Variants in ANKMY1 observed in about 807,000 individuals in gnomAD.
The protein encoded by ANKMY1 is ankyrin repeat and MYND domain containing 1.
In ANKMY1, 98 loss-of-function variants were observed where a neutral mutation model predicts 102.0. The ratio of observed to expected loss-of-function variants is 0.96; its 90% CI spans 0.82 to 1.14. The LOEUF is 1.14. ANKMY1 is among the 50% of genes most tolerant of loss of function. The pLI, the probability that ANKMY1 is intolerant of heterozygous loss-of-function variation, is 0.00. For missense variants in ANKMY1, 1,330 were observed against 1,347.6 expected (o/e 0.99, Z 0.20); for synonymous variants, 582 against 559.9 (o/e 1.04, Z -0.56).
chr2:240,560,511 TCCCGGC>T, upstream of ANKMY1: 1 of 1,024,612 alleles, frequency 9.8e-7, no homozygotes, highest in Non-Finnish European at 1.3e-6. Flanking sequence ...AAGCCCCCTG[TCCCGGC>T]CCAGCGCCCG....
intron 4 of ANKMY1, among the ~76,000 whole-genome samples, chr2:240,543,879 G>A (rs1157244417): frequency 6.6e-6 from 1 of 152,152 alleles, no homozygotes; most frequent in Non-Finnish European, 1.5e-5. Context: ...TTGTGGAACT[G>A]TTCTCATCTA....
intron 4 of ANKMY1, among the ~76,000 whole-genome samples, chr2:240,535,360 A>G (rs536070164): frequency 5.9e-5 from 9 of 152,342 alleles, no homozygotes; most frequent in South Asian, 4.1e-4. Flanking sequence ...CTTGGGATCA[A>G]TGGAAAGGAA....
chr2:240,536,816 C>T (rs2086884888), intron 4 of ANKMY1, among the ~76,000 whole-genome samples: 1 of 152,078 alleles, frequency 6.6e-6, no homozygotes, highest in Non-Finnish European at 1.5e-5. Flanking sequence ...TTGAATGCAG[C>T]CACTTTCTTA....
chr2:240,542,720 C>CTATATATATA (rs71404655), intron 4 of ANKMY1, among the ~76,000 whole-genome samples: 8 of 144,870 alleles, frequency 5.5e-5, no homozygotes, highest in Admixed American at 2.1e-4. Context: ...ATGTTTATAT[C>CTATATATATA]TATATATATA....
chr2:240,560,108 G>A (rs968178687), upstream of ANKMY1: 2 of 152,432 alleles, frequency 1.3e-5, no homozygotes, highest in South Asian at 2.1e-4. Flanking sequence ...TGAGCCATGT[G>A]TTATAATACA....
At chr2:240,522,598 C>T (rs1034971813) in intron 8 of ANKMY1, 5 of 152,252 alleles carry the variant, frequency 3.3e-5, no homozygotes, top group Non-Finnish European at 7.3e-5. Flanking sequence ...GCTGGACACT[C>T]ATGAACCAGC....
chr2:240,556,208 GGCTTGTGGGGT>G (rs1269697127), intron 2 of ANKMY1, among the ~76,000 whole-genome samples: 1 of 151,926 alleles, frequency 6.6e-6, no homozygotes, highest in Non-Finnish European at 1.5e-5. Flanking sequence ...GTGGGAAAAG[GGCTTGTGGGGT>G]GCCTGCATAA....
upstream of ANKMY1, chr2:240,560,848 A>G: frequency 1.4e-6 from 2 of 1,392,098 alleles, no homozygotes; most frequent in South Asian, 3.3e-5. Flanking sequence ...TCCCGCCAGC[A>G]GCCCGGCCCG....
At chr2:240,536,129 C>A (rs1344809229) in intron 4 of ANKMY1, among the ~76,000 whole-genome samples, 1 of 151,988 alleles carries the variant, frequency 6.6e-6, no homozygotes, top group Non-Finnish European at 1.5e-5. Context: ...GAAATCACAA[C>A]AGAAATGAGA....
chr2:240,493,216 A>T (rs2076850000), intron 15 of ANKMY1, among the ~76,000 whole-genome samples: 1 of 151,986 alleles, frequency 6.6e-6, no homozygotes, highest in Non-Finnish European at 1.5e-5. Context: ...AATCCCAGCT[A>T]CTCAGGAGGC....
intron 7 of ANKMY1, 126 bp from the exon 8 acceptor site, chr2:240,524,507 AC>A: frequency 9.2e-7 from 1 of 1,090,208 alleles, no homozygotes; most frequent in Non-Finnish European, 1.3e-6. Flanking sequence ...GGCTGAAAAG[AC>A]CAGGGCAGCT....
intron 11 of ANKMY1, among the ~76,000 whole-genome samples, chr2:240,509,928 T>C (rs1291103492): frequency 6.6e-6 from 1 of 151,610 alleles, no homozygotes; most frequent in Admixed American, 6.6e-5. Flanking sequence ...GCCCCGTCCA[T>C]GCCTCCCTGC....
At chr2:240,536,640 TA>T (rs1385830220) in intron 4 of ANKMY1, among the ~76,000 whole-genome samples, 1 of 152,210 alleles carries the variant, frequency 6.6e-6, no homozygotes, top group Non-Finnish European at 1.5e-5. Context: ...AATTGAGCAG[TA>T]ACATAAGATG....
chr2:240,485,489 A>G (rs1318855194), intron 15 of ANKMY1, among the ~76,000 whole-genome samples: 6 of 152,200 alleles, frequency 3.9e-5, no homozygotes, highest in Non-Finnish European at 7.3e-5. Context: ...CAAGTGGATT[A>G]TTGTTAATGT....
chr2:240,549,396 T>A (rs2125030835), intron 4 of ANKMY1, among the ~76,000 whole-genome samples: 1 of 152,130 alleles, frequency 6.6e-6, no homozygotes, highest in East Asian at 1.9e-4. Context: ...ACGTTAGACC[T>A]AAAACCATAA....
chr2:240,512,123 T>G, intron 10 of ANKMY1, 122 bp from the exon 11 acceptor site: 1 of 1,233,312 alleles, frequency 8.1e-7, no homozygotes, highest in Non-Finnish European at 1.1e-6. Flanking sequence ...TGCGAAACCC[T>G]CTTGAAGGCG....
Position 240,529,372 on chromosome 2 carries a change from T to C in ANKMY1, c.618A>G (p.Arg206=). Residue 206 remains arginine, a synonymous_variant, in exon 5 of 18, where the codon AGA becomes AGG. Transcript: ENST00000401804. This position sits in a 1 kb window ranked among gnomAD's most constrained non-coding sequence, Gnocchi z 4.2. The part of the protein sequence containing the change: ...TQIPSGFSLL[R]YPEFSSFITH... ...TGATGAAGCTGGAGAACTCAGGGTA[T>C]CTGAGGAGGGAGAAGCCACTGGGGA... The C allele has an allele frequency of 1.2e-6, 2 of 1,614,122 alleles. No homozygotes were observed. The highest frequency in any genetic ancestry group is 1.7e-6 in the Non-Finnish European group (2 of 1,180,020).
Position 240,520,603 on chromosome 2 carries a change from G to T in ANKMY1, c.1833-70C>A. ...TGCACTGCGCCCAGAACGGGGCCAT[G>T]CCAGCGAGGAGGCTGGGGAGGGGCG... On this transcript the variant is annotated intron_variant, in intron 8 of 17. Coordinates refer to ENST00000401804, the MANE Select transcript of ANKMY1 (RefSeq NM_001282771.3). This position sits in a 1 kb window ranked among gnomAD's most constrained non-coding sequence, Gnocchi z 4.8. 1.3e-6 allele frequency: 2 copies of T among 1,518,704 alleles called. No individual in the cohort carries two copies. The allele number at this position is 1,518,704 out of a possible 1,614,324, so 94.1% of individuals were successfully genotyped here.
chr2:240,526,443 T>C lies in ANKMY1; in HGVS notation c.956A>G (p.Asn319Ser), dbSNP rs1014199047. 2 of 1,613,944 alleles carry C rather than the reference T, an allele frequency of 1.2e-6. No individual in the cohort carries two copies. The highest frequency in any genetic ancestry group is 1.7e-6 in the Non-Finnish European group (2 of 1,180,026). The change falls in exon 6 of 18, where the codon AAC (asparagine) becomes AGC (serine). Residue 319 changes from asparagine (N) to serine (S), a missense_variant and splice_region_variant. Asn to Ser is a conservative substitution (Grantham distance 46). Coordinates refer to ENST00000401804, the MANE Select transcript of ANKMY1 (RefSeq NM_001282771.3). The part of the protein sequence containing the change: ...KIQKQTYKFR[N>S]KPAHTSWNMG... Reference sequence around the variant, plus strand: ...GTTCCAGCTGGTGTGAGCTGGCTTGTTCCTGGCAACACAACAAGTTTCAGT... The same window carrying C: ...GTTCCAGCTGGTGTGAGCTGGCTTGCTCCTGGCAACACAACAAGTTTCAGT...
Sources: gnomAD v4.1 joint callset for allele counts (sites outside exome capture counted in the v4.1 genomes callset) on GRCh38, gnomAD v4.1.1 for gene constraint, Gnocchi (gnomAD v3.1) non-coding constraint, MANE v1.5 for transcripts, NCBI Gene and HGNC (gene_info 2026-07-23, HGNC 2026-07-21) for gene names.